Variants in NUP98 observed in about 807,000 individuals in gnomAD.
NUP98 encodes nuclear pore complex protein Nup98-Nup96.
A neutral mutation model predicts 191.9 loss-of-function variants in NUP98; 26 were observed. The ratio of observed to expected loss-of-function variants is 0.14; its 90% CI spans 0.10 to 0.19. The LOEUF (loss-of-function observed/expected upper bound fraction) is 0.19, where lower values mean the gene tolerates loss of function less well. Among genes scored for constraint, NUP98 ranks in the 10% least tolerant of loss-of-function variants. The pLI is 1.00. For missense variants in NUP98, 1,941 were observed against 2,178.8 expected (o/e 0.89, Z 2.17); for synonymous variants, 808 against 778.4 (o/e 1.04, Z -0.63).
intron 28 of NUP98, among the ~76,000 whole-genome samples, chr11:3,687,549 C>G (rs1456205601): frequency 1.3e-5 from 2 of 152,100 alleles, no homozygotes; most frequent in African/African-American, 2.4e-5. Flanking sequence ...CCATTATGAG[C>G]TGGATAAACA....
intron 10 of NUP98, among the ~76,000 whole-genome samples, chr11:3,753,755 CAAAAAAAAAAAAAAAAAAAAA>C (rs58867754): frequency 2.3e-3 from 23 of 10,176 alleles, no homozygotes; most frequent in Middle Eastern, 0.17. Context: ...TATAAAAATA[CAAAAAAAAAAAAAAAAAAAAA>C]AAAAAAAAAA....
intron 26 of NUP98, among the ~76,000 whole-genome samples, chr11:3,694,544 T>C (rs558927286): frequency 3.1e-4 from 46 of 150,818 alleles, no homozygotes; most frequent in Non-Finnish European, 6.0e-4. Flanking sequence ...ACCGAGACCA[T>C]CCTGGCTAAC....
rs1212112844 is a variant in NUP98 at position 3,731,449 on chromosome 11, G to C, written c.1672C>G (p.Leu558Val). The C allele has an allele frequency of 1.9e-6, 3 of 1,607,916 alleles. No homozygotes were observed. The highest frequency in any genetic ancestry group is 2.5e-6 in the Non-Finnish European group (3 of 1,176,854). The change falls in exon 14 of 33, where the codon CTC becomes GTC. Residue 558 changes from leucine (L) to valine (V), a missense_variant. This residue lies in a region of NUP98 where 453 missense variants were observed against 438.2 expected (regional missense o/e 1.03). Coordinates refer to ENST00000324932, the MANE Select transcript of NUP98 (RefSeq NM_016320.5). ...TCATCGTCATCCAGCCCATCAAAGA[G>C]ATGTGACTTGGCTGTGCCTGTTGTT... is the stretch of plus-strand genomic sequence containing the variant. ...LQTTGTAKSHLFDGLDDDEPS... is the reference protein window; with the variant it reads ...LQTTGTAKSHVFDGLDDDEPS...
chr11:3,738,494 T>C (rs1211691739), intron 12 of NUP98, among the ~76,000 whole-genome samples: 1 of 152,114 alleles, frequency 6.6e-6, no homozygotes, highest in African/African-American at 2.4e-5. Context: ...ACAAATATAC[T>C]ACAGCAAGGC....
Position 3,731,391 on chromosome 11 carries a change from T to C in NUP98, c.1730A>G (p.Lys577Arg), listed in dbSNP as rs1201442446. Residue 577 changes from lysine to arginine, a missense_variant and splice_region_variant, in exon 14 of 33, where the codon AAG becomes AGG. Coordinates refer to ENST00000324932, the MANE Select transcript of NUP98 (RefSeq NM_016320.5). ...TTTCTGTTAACAAAAATAAACTCAC[T>C]TGGGCATGAATGCTCCATTGGCTAG... The part of the protein sequence containing the change: ...PSLANGAFMP[K>R]KSIKKLVLKN... 1 of 1,539,548 alleles carries C rather than the reference T, an allele frequency of 6.5e-7. No individual in the cohort carries two copies. Among genetic ancestry groups the C allele is most frequent in the Admixed American group, 2.0e-5 (1 of 50,694 alleles).
At chr11:3,733,648 A>T (rs1034647681) in intron 13 of NUP98, among the ~76,000 whole-genome samples, 1 of 152,142 alleles carries the variant, frequency 6.6e-6, no homozygotes, top group Non-Finnish European at 1.5e-5. Context: ...GGTTTCATCT[A>T]TGTTATAGCA....
At chr11:3,708,442 C>T (rs185187216) in intron 20 of NUP98, among the ~76,000 whole-genome samples, 1 of 152,042 alleles carries the variant, frequency 6.6e-6, no homozygotes, top group Non-Finnish European at 1.5e-5. Context: ...CTAAGGGACT[C>T]GTCGTATGTT....
chr11:3,678,192 A>G (rs553981629), intron 31 of NUP98, among the ~76,000 whole-genome samples: 1 of 152,018 alleles, frequency 6.6e-6, no homozygotes, highest in East Asian at 1.9e-4. Context: ...AAAACACTTC[A>G]TGTAGATTTT....
chr11:3,719,332 T>TA, intron 18 of NUP98, 80 bp downstream of exon 18: 2 of 1,120,396 alleles, frequency 1.8e-6, no homozygotes, highest in South Asian at 3.0e-5. Context: ...TACAGAAGCA[T>TA]ACATCTAAAC....
rs754849480 is a variant in NUP98, at chr11:3,719,490, A to G, written c.2321T>C (p.Ile774Thr). Residue 774 changes from isoleucine to threonine, a missense_variant, in exon 18 of 33, where the codon ATT becomes ACT. Transcript: ENST00000324932. ...TACTTCTTTCCTCCGGATATGCACA[A>G]TATCATCCAAATTTAGATTTGTCAA... is the stretch of plus-strand genomic sequence containing the variant. ...VNLTNLNLDD[I>T]VHIRRKEVVV... 1.9e-6 allele frequency: 3 copies of G among 1,594,568 alleles called. No individual in the cohort carries two copies. The South Asian group carries it at 3.4e-5, about 18-fold the overall frequency.
intron 11 of NUP98, among the ~76,000 whole-genome samples, chr11:3,748,619 A>C (rs2080601814): frequency 6.6e-6 from 1 of 152,236 alleles, no homozygotes; most frequent in African/African-American, 2.4e-5. Flanking sequence ...AGCCTGGCCA[A>C]CATGGTGAAA....
intron 19 of NUP98, among the ~76,000 whole-genome samples, chr11:3,713,521 C>A (rs948477676): frequency 1.3e-5 from 2 of 152,262 alleles, no homozygotes; most frequent in African/African-American, 4.8e-5. Flanking sequence ...GAGTTGGAGA[C>A]CAGCCTGGTC....
chr11:3,739,527 G>A (rs1176365468), intron 12 of NUP98, among the ~76,000 whole-genome samples: 9 of 152,124 alleles, frequency 5.9e-5, no homozygotes, highest in Non-Finnish European at 8.8e-5. Flanking sequence ...GATTACAGGC[G>A]TGAGGCACCG....
intron 5 of NUP98, 85 bp from the exon 6 acceptor site, chr11:3,773,824 TAA>T (rs1236111632): frequency 1.3e-6 from 1 of 750,472 alleles, no homozygotes; most frequent in Non-Finnish European, 2.3e-6. Context: ...CACTGAACTC[TAA>T]AACTAGTCCC....
At position 3,743,081 on chromosome 11, in the gene NUP98, C is replaced by T. The variant is rs567793873; in HGVS notation, c.1408+1428G>A. On this transcript the variant is annotated intron_variant, in intron 12 of 32. Coordinates refer to ENST00000324932, the MANE Select transcript of NUP98 (RefSeq NM_016320.5). ...TCACCCAGGTTGGAATGTAGTGGCG[C>T]GATCTCGGCTCACTGTAACCTCCAC... is the stretch of plus-strand genomic sequence containing the variant. Among the ~76,000 whole-genome samples, 453 of 152,010 alleles carry T rather than the reference C, an allele frequency of 3.0e-3. 1 individual carries two copies. Among genetic ancestry groups the T allele is most frequent in the Non-Finnish European group, 4.4e-3 (302 of 67,968 alleles).
At chr11:3,728,082 G>C (rs971729417) in intron 14 of NUP98, among the ~76,000 whole-genome samples, 6 of 152,146 alleles carry the variant, frequency 3.9e-5, no homozygotes, top group Admixed American at 1.3e-4. Flanking sequence ...TGTGACATGT[G>C]AGTACAGAGC....
At position 3,686,077 on chromosome 11, in the gene NUP98, T is replaced by C; in HGVS notation, c.4572A>G (p.Ser1524=). The part of the protein sequence containing the change: ...VLRALNYTHL[S]AQCEGVLQAS... Reference sequence around the variant, plus strand: ...CCTGTAGCACACCTTCACACTGCGCTGAGAGATGGGTGTAGTTAAGAGCCC... The same window carrying C: ...CCTGTAGCACACCTTCACACTGCGCCGAGAGATGGGTGTAGTTAAGAGCCC... The change falls in exon 29 of 33, where the codon TCA becomes TCG. Residue 1524 remains serine, a synonymous_variant. Transcript: ENST00000324932. 1 of 1,614,208 alleles carries C rather than the reference T, an allele frequency of 6.2e-7. No individual in the cohort carries two copies. Among genetic ancestry groups the C allele is most frequent in the Non-Finnish European group, 8.5e-7 (1 of 1,180,034 alleles).
intron 10 of NUP98, among the ~76,000 whole-genome samples, chr11:3,758,403 G>T (rs565583836): frequency 6.6e-6 from 1 of 152,058 alleles, no homozygotes; most frequent in East Asian, 1.9e-4. Context: ...GTCTACAAAC[G>T]GTCCATGGGG....
At position 3,676,489 on chromosome 11, in the gene NUP98, T is replaced by A. The variant is rs1452964286; in HGVS notation, c.5185+20A>T. On this transcript the variant is annotated intron_variant, in intron 32 of 32. Coordinates refer to ENST00000324932, the MANE Select transcript of NUP98 (RefSeq NM_016320.5). The stretch of plus-strand genomic sequence containing the variant: ...ACAGGAAGCAAGAAGGCAGAAAGAG[T>A]GAGGAGGTTAGAGGCTTACCTGACT... The A allele has an allele frequency of 6.2e-7, 1 of 1,606,628 alleles. No homozygotes were observed. The highest frequency in any genetic ancestry group is 8.5e-7 in the Non-Finnish European group (1 of 1,173,928).
Sources: gnomAD v4.1 joint callset for allele counts (sites outside exome capture counted in the v4.1 genomes callset) on GRCh38, gnomAD v4.1.1 for gene constraint, gnomAD v4.1.1 regional missense constraint, MANE v1.5 for transcripts, NCBI Gene and HGNC (gene_info 2026-07-23, HGNC 2026-07-21) for gene names.